MINDY3: variants seen among roughly 807,000 people sequenced by gnomAD.
MINDY3 encodes MINDY lysine 48 deubiquitinase 3.
MINDY3 carries 38 observed loss-of-function variants against 69.2 expected under a neutral mutation model. The ratio of observed to expected loss-of-function variants is 0.55; its 90% CI spans 0.42 to 0.72. The LOEUF (loss-of-function observed/expected upper bound fraction) is 0.72. Among genes scored for constraint, MINDY3 ranks in the 30% least tolerant of loss-of-function variants. The probability of loss-of-function intolerance (pLI) is 0.00; values close to 1 mark genes in which losing one functional copy is unlikely to be tolerated. For synonymous variants in MINDY3, 192 were observed against 180.1 expected, an observed-to-expected ratio of 1.07 and a Z score of -0.53; for missense variants, 522 against 519.0, an observed-to-expected ratio of 1.01 and a Z score of -0.06.
intron 11 of MINDY3, among the ~76,000 whole-genome samples, chr10:15,789,563 A>C (rs764457435): frequency 3.3e-5 from 5 of 152,172 alleles, no homozygotes; most frequent in Non-Finnish European, 7.4e-5. Context: ...ACGAAAGCTT[A>C]AAGTCAAATT....
At chr10:15,824,769 T>G (rs147159038) in intron 8 of MINDY3, among the ~76,000 whole-genome samples, 86 of 152,344 alleles carry the variant, frequency 5.6e-4, no homozygotes, top group African/African-American at 1.9e-3. Flanking sequence ...TAAACAAATG[T>G]CTAATAATAA....
chr10:15,813,122 T>G (rs770868854), intron 10 of MINDY3, among the ~76,000 whole-genome samples: 1 of 152,174 alleles, frequency 6.6e-6, no homozygotes, highest in Non-Finnish European at 1.5e-5. Context: ...GTTCCCTTCC[T>G]TCCCACCTCC....
Position 15,780,347 on chromosome 10 carries a change from TG to T in MINDY3, c.1189-1207del, listed in dbSNP as rs1836427178. On this transcript the variant is annotated intron_variant, in intron 14 of 14. Transcript: ENST00000277632. ...TTTTAGTTAATATATTAGTTTCTAG[TG>T]TTGATGAAATAAATTGACATTGAAA... is the stretch of plus-strand genomic sequence containing the variant. 2.0e-5 allele frequency among the ~76,000 whole-genome samples: 3 copies of T among 152,236 alleles called. No individual in the cohort carries two copies. In the South Asian group the frequency reaches 6.2e-4, roughly 31 times the overall value.
At chr10:15,810,708 G>A (rs1838939843) in intron 10 of MINDY3, among the ~76,000 whole-genome samples, 1 of 152,028 alleles carries the variant, frequency 6.6e-6, no homozygotes, top group African/African-American at 2.4e-5. Context: ...CTAGGACCTG[G>A]CAAACAGTAG....
intron 14 of MINDY3, 79 bp from the exon 15 acceptor site, chr10:15,779,220 G>T: frequency 1.5e-6 from 2 of 1,307,004 alleles, no homozygotes; most frequent in East Asian, 2.4e-5. Context: ...AATTTTTAGA[G>T]GCTAGCAAAT....
chr10:15,856,964 C>A (rs906653824), intron 1 of MINDY3, among the ~76,000 whole-genome samples: 5 of 152,098 alleles, frequency 3.3e-5, no homozygotes, highest in African/African-American at 1.2e-4. Flanking sequence ...TACAGTCTAT[C>A]CTCAAACACA....
rs577904678 is a variant in MINDY3 at position 15,858,216 on chromosome 10, A to G, written c.94+1990T>C. On this transcript the variant is annotated intron_variant, in intron 1 of 14. Coordinates refer to ENST00000277632, the MANE Select transcript of MINDY3 (RefSeq NM_024948.4). ...TCAGTGTAAGGCCTTGAAGAGCTAC[A>G]TATCCAAAATATAACTAACTGCACC... Among the ~76,000 whole-genome samples the G allele has an allele frequency of 6.6e-5, 10 of 152,348 alleles. No homozygotes were observed. In the East Asian group the frequency reaches 1.7e-3, roughly 26 times the overall value.
At chr10:15,833,820 T>C in intron 7 of MINDY3, 111 bp from the exon 8 acceptor site, 2 of 752,422 alleles carry the variant, frequency 2.7e-6, no homozygotes, top group Non-Finnish European at 4.4e-6. Context: ...TGTAAGAATT[T>C]ACAAAGTTAG....
At chr10:15,800,144 G>C (rs1838156832) in intron 10 of MINDY3, among the ~76,000 whole-genome samples, 1 of 152,068 alleles carries the variant, frequency 6.6e-6, no homozygotes, top group Non-Finnish European at 1.5e-5. Flanking sequence ...CTCGCAAACT[G>C]TGCAGCCTAG....
intron 10 of MINDY3, among the ~76,000 whole-genome samples, chr10:15,813,198 T>A (rs1839127508): frequency 6.6e-6 from 1 of 152,062 alleles, no homozygotes; most frequent in Admixed American, 6.6e-5. Context: ...TATCAAAGAG[T>A]AACATGGCCT....
chr10:15,858,019 G>A (rs2132161980), intron 1 of MINDY3: 1 of 786,160 alleles, frequency 1.3e-6, no homozygotes, highest in South Asian at 5.8e-5. Flanking sequence ...GCAAAGCAGT[G>A]TCTTGTGCCT....
chr10:15,789,345 C>A (rs1162276602), intron 11 of MINDY3, 26 bp from the exon 12 acceptor site: 7 of 1,565,402 alleles, frequency 4.5e-6, no homozygotes, highest in Non-Finnish European at 6.1e-6. Flanking sequence ...TCAGAAACAA[C>A]TTGAAATAAG....
chr10:15,817,223 T>C, intron 9 of MINDY3: 1 of 229,066 alleles, frequency 4.4e-6, no homozygotes, highest in Non-Finnish European at 8.4e-6. Flanking sequence ...CTAGATAAAA[T>C]GACCACTTCT....
intron 1 of MINDY3, among the ~76,000 whole-genome samples, chr10:15,856,999 C>G (rs1394515040): frequency 1.3e-5 from 2 of 152,146 alleles, no homozygotes; most frequent in Admixed American, 1.3e-4. Context: ...CCTTTAAAAA[C>G]TTGTCAAGTA....
At chr10:15,847,285 A>T (rs1343007616) in intron 2 of MINDY3, among the ~76,000 whole-genome samples, 1 of 152,230 alleles carries the variant, frequency 6.6e-6, no homozygotes, top group Non-Finnish European at 1.5e-5. Context: ...CAAGATTCCA[A>T]ATCAAATAAA....
At chr10:15,843,032 C>T (rs949359512) in intron 3 of MINDY3, among the ~76,000 whole-genome samples, 180 bp downstream of exon 3, 1 of 151,808 alleles carries the variant, frequency 6.6e-6, no homozygotes, top group African/African-American at 2.4e-5. Flanking sequence ...TCTTATAACC[C>T]CTGGTTAGAA....
At chr10:15,818,914 G>T (rs1160125736) in intron 9 of MINDY3, among the ~76,000 whole-genome samples, 1 of 152,126 alleles carries the variant, frequency 6.6e-6, no homozygotes. Context: ...TGGGGTAATG[G>T]TTGCATTGCA....
intron 3 of MINDY3, among the ~76,000 whole-genome samples, chr10:15,842,295 GTTCT>G (rs1202396452): frequency 6.6e-6 from 1 of 151,864 alleles, no homozygotes; most frequent in East Asian, 1.9e-4. Flanking sequence ...TGGATTAACA[GTTCT>G]TTAACTGCAG....
chr10:15,825,182 T>C (rs1418597199), intron 8 of MINDY3, among the ~76,000 whole-genome samples: 1 of 152,136 alleles, frequency 6.6e-6, no homozygotes, highest in Non-Finnish European at 1.5e-5. Flanking sequence ...TCAAAGGAAA[T>C]GTTCATTACA....
Sources: allele counts gnomAD v4.1 joint callset (sites outside exome capture counted in the v4.1 genomes callset), GRCh38; gene constraint gnomAD v4.1.1; transcripts MANE v1.5; gene names NCBI Gene and HGNC (gene_info 2026-07-23, HGNC 2026-07-21).